ANKRD52: variants seen among roughly 807,000 people sequenced by gnomAD.
ANKRD52 encodes the protein ankyrin repeat domain 52, also known as serine/threonine-protein phosphatase 6 regulatory ankyrin repeat subunit C.
In ANKRD52, 7 loss-of-function variants were observed where a neutral mutation model predicts 116.0. That is an observed-to-expected ratio of 0.06 (90% CI 0.03 to 0.11). The LOEUF is 0.11. Among genes scored for constraint, ANKRD52 ranks in the 10% least tolerant of loss-of-function variants. The pLI is 1.00. For synonymous variants in ANKRD52, 528 were observed against 578.1 expected, an observed-to-expected ratio of 0.91 and a Z score of 1.24; for missense variants, 839 against 1,408.6, an observed-to-expected ratio of 0.60 and a Z score of 6.47.
chr12:56,256,809 G>A (rs1202642741), intron 4 of ANKRD52, among the ~76,000 whole-genome samples: 1 of 152,188 alleles, frequency 6.6e-6, no homozygotes, highest in East Asian at 1.9e-4. Flanking sequence ...CCAGTGTTAA[G>A]CTCTTCCTGA....
chr12:56,246,918 TCAA>T (rs1487422517), intron 20 of ANKRD52, among the ~76,000 whole-genome samples: 1 of 95,998 alleles, frequency 1.0e-5, no homozygotes, highest in Non-Finnish European at 2.1e-5. Flanking sequence ...AGACTCTATC[TCAA>T]TAATAATAAT....
chr12:56,249,274 C>A (rs1023977667), intron 15 of ANKRD52, among the ~76,000 whole-genome samples: 2 of 152,208 alleles, frequency 1.3e-5, no homozygotes, highest in African/African-American at 4.8e-5. Flanking sequence ...AGCTTCTCTC[C>A]TCTGTGAGGC....
intron 21 of ANKRD52, 50 bp downstream of exon 21, chr12:56,245,327 C>T (rs1871344519): frequency 6.2e-7 from 1 of 1,602,640 alleles, no homozygotes; most frequent in African/African-American, 1.3e-5. Context: ...TCCCCCTCTA[C>T]ACACACTCCA....
chr12:56,248,846 G>A lies in ANKRD52; in HGVS notation c.1617C>T (p.Asn539=), dbSNP rs752485400. 3.4e-5 allele frequency: 55 copies of A among 1,607,002 alleles called. No homozygotes were observed. Among genetic ancestry groups the A allele is most frequent in the Admixed American group, 1.9e-4 (11 of 58,926 alleles). ...AFFCLEFLLD[N]GADPSLRDRQ... ...TGTCCCGCAGGGAGGGGTCTGCACCGTTATCCAGTAAGAACTCCAGACAGC... is the reference window on the plus strand; with the variant it reads ...TGTCCCGCAGGGAGGGGTCTGCACCATTATCCAGTAAGAACTCCAGACAGC... The change falls in exon 16 of 28, where the codon AAC becomes AAT. Residue 539 remains asparagine (N), a synonymous_variant. Transcript: ENST00000267116. This position sits in a 1 kb window ranked among gnomAD's most constrained non-coding sequence, Gnocchi z 5.1.
chr12:56,254,570 G>A lies in ANKRD52; in HGVS notation c.693+8C>T. The A allele has an allele frequency of 6.2e-7, 1 of 1,613,046 alleles. No homozygotes were observed. Among genetic ancestry groups the A allele is most frequent in the Non-Finnish European group, 8.5e-7 (1 of 1,179,568 alleles). On this transcript the variant is annotated splice_region_variant and intron_variant, in intron 7 of 27. Coordinates refer to ENST00000267116, the MANE Select transcript of ANKRD52 (RefSeq NM_173595.4). The surrounding 1 kb of genome is among the most constrained non-coding windows in gnomAD (Gnocchi z 4.6). ...ATAGTTCCCAACCCCAGAGCTCAAA[G>A]CCCTGACCTCCGCTCCCATCCGAAG...
In ANKRD52 at chr12:56,247,564, G is replaced by A. The variant is rs372153838; in HGVS notation, c.2113C>T (p.His705Tyr). Reference protein sequence around the residue: ...AIMNGHVDCVHLLLEKGSTAD... With the variant: ...AIMNGHVDCVYLLLEKGSTAD... Reference sequence around the variant, plus strand: ...GTGGATCCTTTCTCTAGCAGCAGATGTACACAGTCCACATGGCCATTCATG... The same window carrying A: ...GTGGATCCTTTCTCTAGCAGCAGATATACACAGTCCACATGGCCATTCATG... Residue 705 changes from histidine (H) to tyrosine (Y), a missense_variant, in exon 20 of 28, where the codon CAT becomes TAT. This residue lies in a region of ANKRD52 where 552 missense variants were observed against 810.6 expected (regional missense o/e 0.68). Coordinates refer to ENST00000267116, the MANE Select transcript of ANKRD52 (RefSeq NM_173595.4). 9.4e-6 allele frequency: 15 copies of A among 1,596,596 alleles called. No individual in the cohort carries two copies. Among genetic ancestry groups the A allele is most frequent in the Admixed American group, 5.2e-5 (3 of 57,586 alleles).
intron 15 of ANKRD52, among the ~76,000 whole-genome samples, chr12:56,249,521 G>C (rs1176196134): frequency 1.3e-5 from 2 of 152,196 alleles, no homozygotes; most frequent in Non-Finnish European, 2.9e-5. Context: ...GAAGTAACTT[G>C]CTGAAGGTAA....
Position 56,241,934 on chromosome 12 carries a change from C to T in ANKRD52, c.*1208G>A. On this transcript the variant is annotated 3_prime_UTR_variant, in exon 28 of 28. Transcript: ENST00000267116. ...TGCTGGGAAGGCAGGGACCAAGCCC[C>T]AGTACCTATTCATCTCTCTCTAGGT... The T allele has an allele frequency of 7.5e-6, 3 of 398,588 alleles. No homozygotes were observed. Among genetic ancestry groups the T allele is most frequent in the Non-Finnish European group, 8.8e-6 (2 of 226,114 alleles). 24.7% of individuals were successfully genotyped at this position (398,588 alleles called of 1,614,324 possible).
At chr12:56,256,060 C>A in intron 4 of ANKRD52, 76 bp from the exon 5 acceptor site, 2 of 1,422,818 alleles carry the variant, frequency 1.4e-6, no homozygotes, top group Non-Finnish European at 9.6e-7. Flanking sequence ...AGGAATAGGT[C>A]AGCATAGCAT....
chr12:56,242,161 C>A lies in ANKRD52; in HGVS notation c.*981G>T, dbSNP rs947875994. On this transcript the variant is annotated 3_prime_UTR_variant, in exon 28 of 28. Coordinates refer to ENST00000267116, the MANE Select transcript of ANKRD52 (RefSeq NM_173595.4). The surrounding 1 kb of genome is among the most constrained non-coding windows in gnomAD (Gnocchi z 4.3). ...GGCGGCACAGGAGGAAGAACATGGT[C>A]CCTCCCTCCATATACATGCAAACAC... 7.5e-6 allele frequency: 3 copies of A among 398,478 alleles called. No individual in the cohort carries two copies. Among genetic ancestry groups the A allele is most frequent in the Non-Finnish European group, 1.3e-5 (3 of 226,078 alleles). The allele number at this position is 398,478 out of a possible 1,614,324, so 24.7% of individuals were successfully genotyped here. A position where few individuals can be genotyped will look rare whatever the true frequency, so the allele number is the denominator to read the frequency against.
Position 56,238,704 on chromosome 12 carries a change from C to T in ANKRD52, c.*4438G>A, listed in dbSNP as rs1365271957. ...TCCTCCATCCTCCCCTAACCCTTCC[C>T]AAACCCCTGCCAAACCCACTCAAGC... On this transcript the variant is annotated 3_prime_UTR_variant, in exon 28 of 28. Transcript: ENST00000267116. The T allele has an allele frequency of 6.6e-6, 1 of 152,306 alleles. No individual in the cohort carries two copies. Among genetic ancestry groups the T allele is most frequent in the African/African-American group, 2.4e-5 (1 of 41,400 alleles). The allele number at this position is 152,306 out of a possible 1,614,324, so 9.4% of individuals were successfully genotyped here. A position where few individuals can be genotyped will look rare whatever the true frequency, so the allele number is the denominator to read the frequency against.
chr12:56,257,028 G>C lies in ANKRD52; in HGVS notation c.248C>G (p.Ala83Gly). 6.2e-7 allele frequency: 1 copy of C among 1,613,332 alleles called. No individual in the cohort carries two copies. The highest frequency in any genetic ancestry group is 8.5e-7 in the Non-Finnish European group (1 of 1,179,634). Reference protein sequence around the residue: ...LWLTPLHRAAASRNEKVLGLL... With the variant: ...LWLTPLHRAAGSRNEKVLGLL... ...GGGGGTGCATACCTCGTTTCGGGAGGCAGCAGCACGATGAAGAGGGGTCAG... is the reference window on the plus strand; with the variant it reads ...GGGGGTGCATACCTCGTTTCGGGAGCCAGCAGCACGATGAAGAGGGGTCAG... Residue 83 changes from alanine (A) to glycine (G), a missense_variant, in exon 4 of 28, where the codon GCC becomes GGC. Physicochemically the swap from Ala to Gly is moderately conservative, Grantham distance 60. This residue lies in a region of ANKRD52 where 287 missense variants were observed against 598.1 expected (regional missense o/e 0.48). Transcript: ENST00000267116.
In ANKRD52 at chr12:56,238,149, G is replaced by A. The variant is rs1327969087; in HGVS notation, c.*4993C>T. 1 of 173,536 alleles carries A rather than the reference G, an allele frequency of 5.8e-6. No individual in the cohort carries two copies. The highest frequency in any genetic ancestry group is 2.4e-5 in the African/African-American group (1 of 42,266). 10.7% of individuals were successfully genotyped at this position (173,536 alleles called of 1,614,324 possible). A position where few individuals can be genotyped will look rare whatever the true frequency, so the allele number is the denominator to read the frequency against. ...GATCCCAACACTAGCACCACAGGTG[G>A]TTCCGGGGCAGGGAGAGGCAGGAAT... On this transcript the variant is annotated 3_prime_UTR_variant, in exon 28 of 28. Coordinates refer to ENST00000267116, the MANE Select transcript of ANKRD52 (RefSeq NM_173595.4).
chr12:56,247,896 T>A, intron 18 of ANKRD52, 122 bp from the exon 19 acceptor site: 2 of 1,356,746 alleles, frequency 1.5e-6, no homozygotes, highest in Admixed American at 4.0e-5. Context: ...TCTCTGAGGA[T>A]AGGAAGCTAT....
At chr12:56,250,031 G>C (rs775090687) in intron 15 of ANKRD52, among the ~76,000 whole-genome samples, 2 of 150,402 alleles carry the variant, frequency 1.3e-5, no homozygotes, top group Non-Finnish European at 3.0e-5. Context: ...AGTGAGACTC[G>C]GTCTTCAAAA....
chr12:56,250,490 C>T, intron 15 of ANKRD52, among the ~76,000 whole-genome samples: 1 of 151,278 alleles, frequency 6.6e-6, no homozygotes, highest in Non-Finnish European at 1.5e-5. Context: ...GATCCTCTTG[C>T]CTTACCTGCA....
Position 56,252,977 on chromosome 12 carries a change from G to T in ANKRD52, c.1183+27C>A. 6.3e-7 allele frequency: 1 copy of T among 1,584,192 alleles called. No homozygotes were observed. Among genetic ancestry groups the T allele is most frequent in the Non-Finnish European group, 8.6e-7 (1 of 1,165,024 alleles). The stretch of plus-strand genomic sequence containing the variant: ...AAGGCCTTTGCTCTCCTATACACCT[G>T]CCAATCCCCAGCCCATCAGCACATA... On this transcript the variant is annotated intron_variant, in intron 11 of 27. Transcript: ENST00000267116. The surrounding 1 kb of genome is among the most constrained non-coding windows in gnomAD (Gnocchi z 4.7).
rs1871151454 is a variant in ANKRD52 at position 56,241,150 on chromosome 12, C to A, written c.*1992G>T. On this transcript the variant is annotated 3_prime_UTR_variant, in exon 28 of 28. Transcript: ENST00000267116. ...AGGACACGGTGTGGAGGGAGGTGGG[C>A]AAGAGGGGCGTCACAAGGCCCTTTG... is the stretch of plus-strand genomic sequence containing the variant. 1 of 150,658 alleles carries A rather than the reference C, an allele frequency of 6.6e-6. No individual in the cohort carries two copies. Among genetic ancestry groups the A allele is most frequent in the African/African-American group, 2.4e-5 (1 of 40,916 alleles). 9.3% of individuals were successfully genotyped at this position (150,658 alleles called of 1,614,324 possible). A position where few individuals can be genotyped will look rare whatever the true frequency, so the allele number is the denominator to read the frequency against.
At chr12:56,256,093 G>A in intron 4 of ANKRD52, 109 bp from the exon 5 acceptor site, 2 of 1,113,272 alleles carry the variant, frequency 1.8e-6, no homozygotes, top group Non-Finnish European at 2.6e-6. Context: ...CCCCAGCACA[G>A]AATCTCTTCT....
Sources: gnomAD v4.1 joint callset for allele counts (sites outside exome capture counted in the v4.1 genomes callset) on GRCh38, gnomAD v4.1.1 for gene constraint, gnomAD v4.1.1 regional missense constraint, Gnocchi (gnomAD v3.1) non-coding constraint, MANE v1.5 for transcripts, NCBI Gene and HGNC (gene_info 2026-07-23, HGNC 2026-07-21) for gene names.